The following DHRSX variants were observed in gnomAD, a reference collection of about 807,000 sequenced individuals.
DHRSX encodes dehydrogenase/reductase X-linked.
In DHRSX, 31 loss-of-function variants were observed where a neutral mutation model predicts 34.0. That is an observed-to-expected ratio of 0.91 (90% CI 0.69 to 1.23). The LOEUF is 1.23. Among genes scored for constraint, DHRSX ranks in the 50% most tolerant of loss-of-function variants. DHRSX has a pLI of 0.00. For missense variants in DHRSX, 414 were observed against 428.1 expected (o/e 0.97, Z 0.29); for synonymous variants, 201 against 183.8 (o/e 1.09, Z -0.76).
At position 2,394,862 on chromosome X, in the gene DHRSX, T is replaced by G. The variant is rs370426335; in HGVS notation, c.286+13883A>C. Among the ~76,000 whole-genome samples, 1,042 of 149,562 alleles carry G rather than the reference T, an allele frequency of 7.0e-3. 3 individuals are homozygous for G. Among genetic ancestry groups the G allele is most frequent in the African/African-American group, 0.025 (995 of 40,556 alleles). ...GCCTGGGCAACACAGTGAGACTCCG[T>G]CTCATGAAAAAAAAAAAAAAGAGTT... On this transcript the variant is annotated intron_variant, in intron 3 of 6. Coordinates refer to ENST00000334651, the MANE Select transcript of DHRSX (RefSeq NM_145177.3).
rs920422399 is a variant in DHRSX at position 2,375,642 on chromosome X, G to A, written c.286+33103C>T. On this transcript the variant is annotated intron_variant, in intron 3 of 6. Coordinates refer to ENST00000334651, the MANE Select transcript of DHRSX (RefSeq NM_145177.3). ...GGTTGGTTGGTTGGTTGGCTGGTTG[G>A]TTGGTTTTTGAGACAGAGTCTCACT... Among the ~76,000 whole-genome samples the A allele has an allele frequency of 3.7e-5, 5 of 135,240 alleles. 2 individuals are homozygous for A. Among genetic ancestry groups the A allele is most frequent in the Non-Finnish European group, 8.8e-5 (5 of 57,018 alleles). The allele number at this position is 135,240 out of a possible 152,430, so 88.7% of individuals were successfully genotyped here. A position where few individuals can be genotyped will look rare whatever the true frequency, so the allele number is the denominator to read the frequency against.
chrX:2,330,825 AAGAG>A (rs1280724365), intron 3 of DHRSX, among the ~76,000 whole-genome samples: 1 of 152,008 alleles, frequency 6.6e-6, no homozygotes, highest in African/African-American at 2.4e-5. Context: ...TAAATGAAAG[AAGAG>A]AGAGATGAGA....
chrX:2,458,903 G>C (rs112672118), intron 1 of DHRSX, among the ~76,000 whole-genome samples: 1 of 152,030 alleles, frequency 6.6e-6, no homozygotes, highest in East Asian at 1.9e-4. Flanking sequence ...TACTTGGGAG[G>C]CTGAGGCAGA....
chrX:2,421,822 G>C (rs1314998763), intron 2 of DHRSX, among the ~76,000 whole-genome samples: 1 of 152,192 alleles, frequency 6.6e-6, no homozygotes, highest in Non-Finnish European at 1.5e-5. Context: ...CTATTTAAAC[G>C]CATGAGTATA....
intron 5 of DHRSX, among the ~76,000 whole-genome samples, chrX:2,247,812 T>C (rs1381987611): frequency 6.6e-6 from 1 of 152,064 alleles, no homozygotes; most frequent in African/African-American, 2.4e-5. Context: ...GAAGCAAACC[T>C]TTCTTGCTGA....
chrX:2,242,624 C>T (rs891338727), intron 6 of DHRSX, among the ~76,000 whole-genome samples: 4 of 152,084 alleles, frequency 2.6e-5, no homozygotes, highest in African/African-American at 9.7e-5. Context: ...CCAAAACCCA[C>T]AAAAAGCAAA....
intron 1 of DHRSX, among the ~76,000 whole-genome samples, chrX:2,471,550 G>C (rs1210941207): frequency 7.0e-6 from 1 of 143,206 alleles, no homozygotes; most frequent in East Asian, 2.1e-4. Flanking sequence ...GGCAACAAGA[G>C]CAAAACTCCA....
intron 3 of DHRSX, among the ~76,000 whole-genome samples, chrX:2,408,037 G>C (rs1379291527): frequency 6.6e-6 from 1 of 152,168 alleles, no homozygotes; most frequent in Non-Finnish European, 1.5e-5. Context: ...GACAGAAAGA[G>C]CACACCAGAA....
intron 3 of DHRSX, among the ~76,000 whole-genome samples, chrX:2,361,204 G>A (rs1337726449): frequency 1.3e-5 from 2 of 152,018 alleles, no homozygotes; most frequent in Admixed American, 6.6e-5. Flanking sequence ...TCCACCTCCC[G>A]GGTTCAAGCG....
intron 4 of DHRSX, among the ~76,000 whole-genome samples, chrX:2,273,155 T>A (rs1184633468): frequency 6.6e-6 from 1 of 152,034 alleles, no homozygotes; most frequent in East Asian, 1.9e-4. Flanking sequence ...ATCGCACCAC[T>A]GCACTCCAGC....
At chrX:2,273,397 A>C (rs2041583816) in intron 4 of DHRSX, among the ~76,000 whole-genome samples, 1 of 152,156 alleles carries the variant, frequency 6.6e-6, no homozygotes. Flanking sequence ...CATTGGCAGT[A>C]ACTTGGATAG....
At chrX:2,439,743 G>A (rs1274206862) in intron 1 of DHRSX, among the ~76,000 whole-genome samples, 1 of 152,092 alleles carries the variant, frequency 6.6e-6, no homozygotes, top group South Asian at 2.1e-4. Context: ...TCCCTCACAT[G>A]TTCAGTTCAC....
intron 3 of DHRSX, among the ~76,000 whole-genome samples, chrX:2,320,767 A>C (rs1338492625): frequency 6.6e-6 from 1 of 151,578 alleles, no homozygotes; most frequent in Non-Finnish European, 1.5e-5. Flanking sequence ...TCCTTACACA[A>C]TCAGAGACAG....
chrX:2,331,437 T>G (rs1338395617), intron 3 of DHRSX, among the ~76,000 whole-genome samples: 2,940 of 33,492 alleles, frequency 0.088, 73 homozygotes, highest in African/African-American at 0.27. Context: ...GGTTTTTTGG[T>G]TTTTTTTTTT....
intron 1 of DHRSX, among the ~76,000 whole-genome samples, chrX:2,447,325 G>A (rs1194506545): frequency 6.6e-6 from 1 of 152,134 alleles, no homozygotes; most frequent in Non-Finnish European, 1.5e-5. Flanking sequence ...ATGTGGCTAA[G>A]GGACTGCTGC....
chrX:2,422,380 A>G (rs5982566), intron 2 of DHRSX, among the ~76,000 whole-genome samples: 122,083 of 151,976 alleles, frequency 0.8, 49,578 homozygotes, highest in East Asian at 0.94. Flanking sequence ...CTCCCGCCTC[A>G]GCCTCCCGAG....
chrX:2,313,459 C>G (rs1259700159), intron 3 of DHRSX, among the ~76,000 whole-genome samples: 1 of 151,950 alleles, frequency 6.6e-6, no homozygotes, highest in Non-Finnish European at 1.5e-5. Context: ...ACCTCCGCCT[C>G]CCAGGTTCAA....
intron 3 of DHRSX, among the ~76,000 whole-genome samples, chrX:2,379,609 T>TG (rs2043181394): frequency 6.8e-6 from 1 of 146,038 alleles, no homozygotes; most frequent in African/African-American, 2.5e-5. Flanking sequence ...TTTTTTTTTT[T>TG]TTTTTTTTTT....
chrX:2,438,567 G>C (rs921484532), intron 1 of DHRSX, among the ~76,000 whole-genome samples: 6 of 150,718 alleles, frequency 4.0e-5, no homozygotes, highest in Non-Finnish European at 7.4e-5. Context: ...CCTCAGGAGG[G>C]TGAGGCAGGA....
Sources: allele counts gnomAD v4.1 joint callset (sites outside exome capture counted in the v4.1 genomes callset), GRCh38; gene constraint gnomAD v4.1.1; transcripts MANE v1.5; gene names NCBI Gene and HGNC (gene_info 2026-07-23, HGNC 2026-07-21).